Variants in OPN1LW observed in about 807,000 individuals in gnomAD.
OPN1LW encodes the protein long-wave-sensitive opsin 1.
A neutral mutation model predicts 18.1 loss-of-function variants in OPN1LW; 4 were observed. That is an observed-to-expected ratio of 0.22 (90% CI 0.11 to 0.51). OPN1LW has a LOEUF of 0.51. Ranked by LOEUF, OPN1LW falls within the 20% of genes least tolerant of loss-of-function variation. The pLI is 0.97. For synonymous variants in OPN1LW, 86 were observed against 101.2 expected (o/e 0.85, Z 0.90); for missense variants, 164 against 234.9 (o/e 0.70, Z 1.97).
chrX:154,154,240 A>G (rs2148784732), intron 3 of OPN1LW, among the ~76,000 whole-genome samples: 1 of 100,843 alleles, frequency 9.9e-6, no homozygotes, highest in South Asian at 3.9e-4. Context: ...CTGGGACTAT[A>G]GGCGTGAGCC....
chrX:154,145,716 C>T (rs1231184321), intron 1 of OPN1LW, among the ~76,000 whole-genome samples: 1 of 91,942 alleles, frequency 1.1e-5, no homozygotes, highest in Non-Finnish European at 2.1e-5. Context: ...ATGCATGATG[C>T]TTCAGTGCAC....
chrX:154,154,414 T>C (rs1278988312), intron 3 of OPN1LW, among the ~76,000 whole-genome samples, 160 bp from the exon 4 acceptor site: 15 of 94,065 alleles, frequency 1.6e-4, no homozygotes, highest in African/African-American at 6.0e-4. Flanking sequence ...AGGTGGTGAC[T>C]GCCACAGAAT....
chrX:154,149,111 G>A (rs10482472), intron 1 of OPN1LW, among the ~76,000 whole-genome samples: 40,357 of 101,894 alleles, frequency 0.4, 7,802 homozygotes, highest in African/African-American at 0.65. Context: ...AGGCTGAAGC[G>A]GGAGAATGGC....
intron 1 of OPN1LW, among the ~76,000 whole-genome samples, chrX:154,148,697 G>A (rs2067063916): frequency 9.5e-6 from 1 of 105,289 alleles, no homozygotes; most frequent in Admixed American, 9.7e-5. Flanking sequence ...TCCGAAAACG[G>A]TCACATTCTG....
In OPN1LW at chrX:154,154,665, A is replaced by C. The variant is rs1557157826; in HGVS notation, c.670A>C (p.Met224Leu). The change falls in exon 4 of 6, where the codon ATG becomes CTG. Residue 224 changes from methionine (M) to leucine (L), a missense_variant. Met to Leu is a conservative substitution (Grantham distance 15). Coordinates refer to ENST00000369951, the MANE Select transcript of OPN1LW (RefSeq NM_020061.6). ...PGVQSYMIVL[M>L]VTCCIIPLAI... ...GGTGCAGTCTTACATGATTGTCCTCATGGTCACCTGCTGCATCATCCCACT... is the reference window on the plus strand; with the variant it reads ...GGTGCAGTCTTACATGATTGTCCTCCTGGTCACCTGCTGCATCATCCCACT... The C allele has an allele frequency of 8.4e-7, 1 of 1,192,731 alleles. No individual in the cohort carries two copies. Among genetic ancestry groups the C allele is most frequent in the South Asian group, 1.8e-5 (1 of 55,824 alleles).
rs1557157969 is a variant in OPN1LW at position 154,156,336 on chromosome X, G to C, written c.787G>C (p.Glu263Gln). ...AGAGTCTGAATCCACCCAGAAGGCA[G>C]AGAAGGAAGTGACGCGCATGGTGGT... ...QKESESTQKA[E>Q]KEVTRMVVVM... is the part of the protein sequence containing the mutation. Residue 263 changes from glutamate (E) to glutamine (Q), a missense_variant, in exon 5 of 6, where the codon GAG (glutamate) becomes CAG (glutamine). By Grantham distance (29) the Glu-to-Gln change is conservative (BLOSUM62 2). This residue lies in a region of OPN1LW where 5 missense variants were observed against 16.9 expected (regional missense o/e 0.30). Coordinates refer to ENST00000369951, the MANE Select transcript of OPN1LW (RefSeq NM_020061.6). The C allele has an allele frequency of 2.5e-6, 3 of 1,203,334 alleles. No homozygotes were observed. Among genetic ancestry groups the C allele is most frequent in the Non-Finnish European group, 3.4e-6 (3 of 890,011 alleles).
Position 154,156,435 on chromosome X carries a change from G to A in OPN1LW, c.886G>A (p.Gly296Ser). The A allele has an allele frequency of 8.3e-7, 1 of 1,205,022 alleles. No homozygotes were observed. Residue 296 changes from glycine (G) to serine (S), a missense_variant, in exon 5 of 6, where the codon GGT becomes AGT. Around this residue, in one of 3 missense-constraint regions of OPN1LW, gnomAD observed 53 missense variants for 50.2 expected, o/e 1.06. Coordinates refer to ENST00000369951, the MANE Select transcript of OPN1LW (RefSeq NM_020061.6). ...FFACFAAANP[G>S]YAFHPLMAAL... ...CGCATGCTTTGCTGCTGCCAACCCT[G>A]GTTACGCCTTCCACCCTTTGATGGC...
intron 1 of OPN1LW, among the ~76,000 whole-genome samples, chrX:154,149,304 G>A (rs1440000365): frequency 1.9e-5 from 2 of 103,969 alleles, no homozygotes; most frequent in Non-Finnish European, 3.8e-5. Flanking sequence ...AAGGCAGGAG[G>A]ATCTCTTGAG....
At chrX:154,149,356 C>G (rs782649403) in intron 1 of OPN1LW, among the ~76,000 whole-genome samples, 1 of 102,277 alleles carries the variant, frequency 9.8e-6, no homozygotes, top group South Asian at 3.9e-4. Flanking sequence ...GGTGAAACCC[C>G]ATGTCTACTA....
Position 154,148,142 on chromosome X carries a change from A to T in OPN1LW, c.113-2514A>T, listed in dbSNP as rs1363038057. On this transcript the variant is annotated intron_variant, in intron 1 of 5. Coordinates refer to ENST00000369951, the MANE Select transcript of OPN1LW (RefSeq NM_020061.6). ...ATACTCGAGAGGCTGAGGCAGGAGG[A>T]TCGCTTGAGCCCAGGAGGATCGCTT... Among the ~76,000 whole-genome samples, 3 of 101,264 alleles carry T rather than the reference A, an allele frequency of 3.0e-5. No homozygotes were observed. The East Asian group carries it at 8.8e-4, about 30-fold the overall frequency. 87.9% of individuals were successfully genotyped at this position (101,264 alleles called of 115,157 possible).
At position 154,151,441 on chromosome X, in the gene OPN1LW, C is replaced by G. The variant is rs1245907929; in HGVS notation, c.409+489C>G. ...TCCGCTCAGGTCAGGAGACAGTGGC[C>G]GAGAGGTACTAGCGTGCCAGGCTCT... On this transcript the variant is annotated intron_variant, in intron 2 of 5. Coordinates refer to ENST00000369951, the MANE Select transcript of OPN1LW (RefSeq NM_020061.6). Among the ~76,000 whole-genome samples, 6 of 3,005 alleles carry G rather than the reference C, an allele frequency of 2.0e-3. No homozygotes were observed. In the East Asian group the frequency reaches 0.023, roughly 11 times the overall value. 2.6% of individuals were successfully genotyped at this position (3,005 alleles called of 115,157 possible). A position where few individuals can be genotyped will look rare whatever the true frequency, so the allele number is the denominator to read the frequency against.
Position 154,150,704 on chromosome X carries a change from A to G in OPN1LW, c.161A>G (p.His54Arg). 1 of 1,199,981 alleles carries G rather than the reference A, an allele frequency of 8.3e-7. No individual in the cohort carries two copies. Among genetic ancestry groups the G allele is most frequent in the Non-Finnish European group, 1.1e-6 (1 of 890,536 alleles). Residue 54 changes from histidine (H) to arginine (R), a missense_variant, in exon 2 of 6, where the codon CAC becomes CGC. By Grantham distance (29) the His-to-Arg change is conservative. This residue lies in a region of OPN1LW where 106 missense variants were observed against 167.7 expected (regional missense o/e 0.63). Coordinates refer to ENST00000369951, the MANE Select transcript of OPN1LW (RefSeq NM_020061.6). The part of the protein sequence containing the change: ...NYHIAPRWVY[H>R]LTSVWMIFVV... ...CACATCGCTCCCAGATGGGTGTACC[A>G]CCTCACCAGTGTCTGGATGATCTTT...
rs1065422 is a variant in OPN1LW, at chrX:154,150,890, C to A, written c.347C>A (p.Ser116Tyr). ...ACTATCAGCATTGTGAACCAGGTCT[C>A]TGGCTACTTCGTGCTGGGCCACCCT... ...ASTISIVNQV[S>Y]GYFVLGHPMC... Residue 116 changes from serine to tyrosine, a missense_variant, in exon 2 of 6, where the codon TCT (serine) becomes TAT (tyrosine). Physicochemically the swap from Ser to Tyr is moderately radical, Grantham distance 144 (BLOSUM62 -2). Coordinates refer to ENST00000369951, the MANE Select transcript of OPN1LW (RefSeq NM_020061.6). The A allele has an allele frequency of 4.6e-4, 551 of 1,192,456 alleles. 16 individuals carry two copies. Among genetic ancestry groups the A allele is most frequent in the Admixed American group, 1.1e-3 (49 of 45,171 alleles).
intron 1 of OPN1LW, among the ~76,000 whole-genome samples, chrX:154,145,571 C>T (rs1385078394): frequency 1.5e-4 from 3 of 19,436 alleles, no homozygotes; most frequent in Admixed American, 8.4e-4. Context: ...TGGCCAGGAC[C>T]GAGTGCCAAT....
At chrX:154,149,162 G>A (rs1557157270) in intron 1 of OPN1LW, among the ~76,000 whole-genome samples, 1 of 99,906 alleles carries the variant, frequency 1.0e-5, no homozygotes, top group Admixed American at 1.0e-4. Flanking sequence ...CCGAGATCGT[G>A]CCACTGCACT....
intron 1 of OPN1LW, among the ~76,000 whole-genome samples, chrX:154,149,654 C>T (rs2067068593): frequency 2.8e-5 from 2 of 71,453 alleles, no homozygotes; most frequent in Non-Finnish European, 4.8e-5. Flanking sequence ...AGGGTGCTAG[C>T]GTGGTGGGCT....
At chrX:154,151,036 C>A in intron 2 of OPN1LW, 84 bp downstream of exon 2, 2 of 1,157,125 alleles carry the variant, frequency 1.7e-6, no homozygotes, top group Non-Finnish European at 2.3e-6. Flanking sequence ...GATCGGGGCC[C>A]AGCTGCTCCT....
Position 154,144,328 on chromosome X carries a change from G to T in OPN1LW, c.45G>T (p.Pro15=), listed in dbSNP as rs782163373. 110 of 1,194,674 alleles carry T rather than the reference G, an allele frequency of 9.2e-5. No individual in the cohort carries two copies. The highest frequency in any genetic ancestry group is 1.1e-4 in the Non-Finnish European group (97 of 887,916). The change falls in exon 1 of 6, where the codon CCG becomes CCT. Residue 15 remains proline, a synonymous_variant. Coordinates refer to ENST00000369951, the MANE Select transcript of OPN1LW (RefSeq NM_020061.6). ...WSLQRLAGRH[P]QDSYEDSTQS... is the part of the protein sequence containing the mutation. Reference sequence around the variant, plus strand: ...TCCAAAGGCTCGCAGGCCGCCATCCGCAGGACAGCTATGAGGACAGCACCC... The same window carrying T: ...TCCAAAGGCTCGCAGGCCGCCATCCTCAGGACAGCTATGAGGACAGCACCC...
Position 154,150,913 on chromosome X carries a change from C to A in OPN1LW, c.370C>A (p.Pro124Thr). 3 of 1,194,531 alleles carry A rather than the reference C, an allele frequency of 2.5e-6. No individual in the cohort carries two copies. The highest frequency in any genetic ancestry group is 3.4e-6 in the Non-Finnish European group (3 of 887,131). The change falls in exon 2 of 6, where the codon CCT becomes ACT. Residue 124 changes from proline to threonine, a missense_variant. By Grantham distance (38) the Pro-to-Thr change is conservative. This residue lies in a region of OPN1LW where 106 missense variants were observed against 167.7 expected (regional missense o/e 0.63). Coordinates refer to ENST00000369951, the MANE Select transcript of OPN1LW (RefSeq NM_020061.6). ...QVSGYFVLGH[P>T]MCVLEGYTVS... Reference sequence around the variant, plus strand: ...CTCTGGCTACTTCGTGCTGGGCCACCCTATGTGTGTCCTGGAGGGCTACAC... The same window carrying A: ...CTCTGGCTACTTCGTGCTGGGCCACACTATGTGTGTCCTGGAGGGCTACAC...
Sources: gnomAD v4.1 joint callset for allele counts (sites outside exome capture counted in the v4.1 genomes callset) on GRCh38, gnomAD v4.1.1 for gene constraint, gnomAD v4.1.1 regional missense constraint, MANE v1.5 for transcripts, NCBI Gene and HGNC (gene_info 2026-07-23, HGNC 2026-07-21) for gene names.